SLC24A2: variants seen among roughly 807,000 people sequenced by gnomAD.
SLC24A2 encodes solute carrier family 24 member 2.
A neutral mutation model predicts 62.0 loss-of-function variants in SLC24A2; 36 were observed. That is an observed-to-expected ratio of 0.58 (90% CI 0.44 to 0.77). SLC24A2 has a LOEUF of 0.77. Ranked by LOEUF, SLC24A2 falls within the 30% of genes least tolerant of loss-of-function variation. The pLI, the probability that SLC24A2 is intolerant of heterozygous loss-of-function variation, is 0.00. For synonymous variants in SLC24A2, 358 were observed against 294.0 expected (o/e 1.22, Z -2.23); for missense variants, 846 against 817.9 (o/e 1.03, Z -0.42).
chr9:20,170,719 T>C, the SLC24A2 span, among the ~76,000 whole-genome samples: 1 of 151,958 alleles, frequency 6.6e-6, no homozygotes, highest in Admixed American at 6.6e-5. Context: ...AACTCAGAAA[T>C]TCATTGTATC....
chr9:19,976,431 T>C, the SLC24A2 span, among the ~76,000 whole-genome samples: 1 of 152,206 alleles, frequency 6.6e-6, no homozygotes, highest in Non-Finnish European at 1.5e-5. Context: ...TAGCACTTCC[T>C]GCTTCACTCT....
the SLC24A2 span, among the ~76,000 whole-genome samples, chr9:19,986,067 A>G: frequency 1.3e-5 from 2 of 152,210 alleles, no homozygotes. Flanking sequence ...AAGAATCATT[A>G]TAATTCAACA....
At chr9:20,294,389 T>A in the SLC24A2 span, among the ~76,000 whole-genome samples, 1 of 152,178 alleles carries the variant, frequency 6.6e-6, no homozygotes, top group Admixed American at 6.5e-5. Flanking sequence ...TGATTGTTGC[T>A]TCCCAACTCC....
chr9:20,263,195 G>A, the SLC24A2 span, among the ~76,000 whole-genome samples: 5 of 152,186 alleles, frequency 3.3e-5, no homozygotes, highest in African/African-American at 1.2e-4. Flanking sequence ...AGGATAGTCA[G>A]CAATAAAATT....
chr9:19,915,872 G>T, the SLC24A2 span, among the ~76,000 whole-genome samples: 1 of 151,782 alleles, frequency 6.6e-6, no homozygotes, highest in African/African-American at 2.4e-5. Flanking sequence ...TATTCTCTGG[G>T]TCATCTTTTC....
At chr9:19,959,600 A>G in the SLC24A2 span, among the ~76,000 whole-genome samples, 1 of 152,330 alleles carries the variant, frequency 6.6e-6, no homozygotes, top group Admixed American at 6.5e-5. Context: ...TGGTGAATAA[A>G]TGAACTGAAA....
Position 19,744,451 on chromosome 9 carries a change from A to G in SLC24A2, c.930+41486T>C, listed in dbSNP as rs141290435. ...TTGTATGTTTACCTTGTTAGATTTT[A>G]TGGTTGCAGACTCCTATGCTCGTAG... On this transcript the variant is annotated intron_variant, in intron 2 of 10. Transcript: ENST00000341998. Among the ~76,000 whole-genome samples, 820 of 152,164 alleles carry G rather than the reference A, an allele frequency of 5.4e-3. 3 individuals carry two copies. Among genetic ancestry groups the G allele is most frequent in the Middle Eastern group, 0.024 (7 of 294 alleles).
the SLC24A2 span, among the ~76,000 whole-genome samples, chr9:20,124,525 G>C: frequency 1.3e-5 from 2 of 152,058 alleles, no homozygotes; most frequent in African/African-American, 4.8e-5. Flanking sequence ...TTCTTCAGAT[G>C]CCATGTTGCT....
At chr9:19,765,966 C>T (rs1822502734) in intron 2 of SLC24A2, among the ~76,000 whole-genome samples, 1 of 152,050 alleles carries the variant, frequency 6.6e-6, no homozygotes, top group Admixed American at 6.5e-5. Context: ...TCACATAGTC[C>T]CATATTTCTT....
chr9:20,238,352 C>T, the SLC24A2 span, among the ~76,000 whole-genome samples: 2 of 152,324 alleles, frequency 1.3e-5, no homozygotes, highest in South Asian at 2.1e-4. Context: ...CCTTCACACA[C>T]ATAGGCTGAA....
At chr9:20,273,675 A>G in the SLC24A2 span, among the ~76,000 whole-genome samples, 24 of 152,280 alleles carry the variant, frequency 1.6e-4, 1 homozygote, top group South Asian at 4.6e-3. Context: ...ATGGAACTGT[A>G]AGTCCAATTA....
the SLC24A2 span, among the ~76,000 whole-genome samples, chr9:20,242,474 G>A: frequency 1.3e-5 from 2 of 152,186 alleles, no homozygotes; most frequent in African/African-American, 2.4e-5. Flanking sequence ...GTTCAGAATT[G>A]TCCTCCAAAT....
At chr9:20,135,878 G>C in the SLC24A2 span, among the ~76,000 whole-genome samples, 1 of 152,050 alleles carries the variant, frequency 6.6e-6, no homozygotes, top group Non-Finnish European at 1.5e-5. Flanking sequence ...AATAAAGAAA[G>C]AGCAAGGCTT....
At chr9:19,923,981 C>A in the SLC24A2 span, among the ~76,000 whole-genome samples, 1 of 152,162 alleles carries the variant, frequency 6.6e-6, no homozygotes, top group Admixed American at 6.5e-5. Context: ...TCAGGTGGTA[C>A]ACCTGCCTCG....
chr9:19,857,563 T>C, the SLC24A2 span, among the ~76,000 whole-genome samples: 4 of 152,214 alleles, frequency 2.6e-5, no homozygotes, highest in Non-Finnish European at 5.9e-5. Context: ...AGTTTACAGA[T>C]ACAAATTATG....
At chr9:20,108,814 A>T in the SLC24A2 span, among the ~76,000 whole-genome samples, 1 of 152,188 alleles carries the variant, frequency 6.6e-6, no homozygotes, top group Non-Finnish European at 1.5e-5. Flanking sequence ...TAACCTGCAC[A>T]TTGTGCACAT....
chr9:19,874,080 T>C, the SLC24A2 span, among the ~76,000 whole-genome samples: 159 of 110,676 alleles, frequency 1.4e-3, no homozygotes, highest in African/African-American at 4.9e-3. Context: ...CTTTTCTTTT[T>C]TTTTTTTTTT....
chr9:19,729,283 G>A (rs902525721), intron 2 of SLC24A2, among the ~76,000 whole-genome samples: 1 of 152,194 alleles, frequency 6.6e-6, no homozygotes, highest in Admixed American at 6.5e-5. Flanking sequence ...ATGTTAACCA[G>A]TACGGCCGCT....
intron 2 of SLC24A2, among the ~76,000 whole-genome samples, chr9:19,717,973 A>AT (rs1820906849): frequency 7.0e-6 from 1 of 141,900 alleles, no homozygotes; most frequent in Non-Finnish European, 1.5e-5. Context: ...ATGATTTAAA[A>AT]CTTTTTTTTT....
Sources: gnomAD v4.1 joint callset for allele counts (sites outside exome capture counted in the v4.1 genomes callset) on GRCh38, gnomAD v4.1.1 for gene constraint, MANE v1.5 for transcripts, NCBI Gene and HGNC (gene_info 2026-07-23, HGNC 2026-07-21) for gene names.